HEPHL1: variants seen among roughly 807,000 people sequenced by gnomAD.
HEPHL1 encodes hephaestin like 1.
In HEPHL1, 123 loss-of-function variants were observed where a neutral mutation model predicts 122.0. The ratio of observed to expected loss-of-function variants is 1.01; its 90% confidence interval spans 0.87 to 1.17. HEPHL1 has a LOEUF of 1.17. Ranked by LOEUF, HEPHL1 falls within the 50% of genes most tolerant of loss-of-function variation. The pLI is 0.00. For missense variants in HEPHL1, 1,452 were observed against 1,430.5 expected (o/e 1.01, Z -0.24); for synonymous variants, 527 against 508.9 (o/e 1.04, Z -0.48).
chr11:94,050,692 C>A (rs1007940702), intron 2 of HEPHL1, among the ~76,000 whole-genome samples: 1 of 152,046 alleles, frequency 6.6e-6, no homozygotes, highest in Non-Finnish European at 1.5e-5. Context: ...TTTCGTTATT[C>A]TAAAATGCAC....
At chr11:94,036,786 C>T (rs1434947633) in intron 1 of HEPHL1, among the ~76,000 whole-genome samples, 1 of 149,468 alleles carries the variant, frequency 6.7e-6, no homozygotes, top group Non-Finnish European at 1.5e-5. Flanking sequence ...TTGCAGTGAG[C>T]CTAGATCGTG....
At chr11:94,106,878 C>A (rs1014172487) in intron 17 of HEPHL1, among the ~76,000 whole-genome samples, 1 of 152,194 alleles carries the variant, frequency 6.6e-6, no homozygotes, top group Non-Finnish European at 1.5e-5. Flanking sequence ...CTGGCCTAAG[C>A]CCTGAAACTT....
In HEPHL1 at chr11:94,111,922, G is replaced by C; in HGVS notation, c.*28G>C. On this transcript the variant is annotated 3_prime_UTR_variant, in exon 20 of 20. Transcript: ENST00000315765. ...CATCTGGTCTCCCTCAACAGGAAAG[G>C]GTGATGTCCCACAGCTGGCCAGATG... 1 of 1,471,802 alleles carries C rather than the reference G, an allele frequency of 6.8e-7. No homozygotes were observed. The allele number at this position is 1,471,802 out of a possible 1,614,324, so 91.2% of individuals were successfully genotyped here. A position where few individuals can be genotyped will look rare whatever the true frequency, so the allele number is the denominator to read the frequency against.
chr11:94,086,079 A>G lies in HEPHL1; in HGVS notation c.1970A>G (p.His657Arg). Residue 657 changes from histidine to arginine, a missense_variant, in exon 11 of 20, where the codon CAT becomes CGT. By Grantham distance (29) the His-to-Arg change is conservative. Transcript: ENST00000315765. ...LIGLGTDTDM[H>R]GIVFQGNTIH... ...GGATTGGGCACTGACACTGACATGC[A>G]TGGAATTGTTTTTCAAGGGAACACC... 1 of 1,613,756 alleles carries G rather than the reference A, an allele frequency of 6.2e-7. No individual in the cohort carries two copies. Among genetic ancestry groups the G allele is most frequent in the Non-Finnish European group, 8.5e-7 (1 of 1,179,802 alleles).
chr11:94,041,946 C>A (rs1262721175), intron 1 of HEPHL1, among the ~76,000 whole-genome samples: 1 of 83,610 alleles, frequency 1.2e-5, no homozygotes, highest in Non-Finnish European at 2.3e-5. Context: ...CAACCTACAA[C>A]ATGGGAGAAA....
At chr11:94,093,402 T>G in intron 12 of HEPHL1, 99 bp from the exon 13 acceptor site, 1 of 1,363,886 alleles carries the variant, frequency 7.3e-7, no homozygotes, top group Non-Finnish European at 1.0e-6. Context: ...ACAGCCAGGT[T>G]TGGGGAGCAC....
At chr11:94,085,862 C>T in intron 10 of HEPHL1, 115 bp from the exon 11 acceptor site, 1 of 726,748 alleles carries the variant, frequency 1.4e-6, no homozygotes, top group Non-Finnish European at 2.3e-6. Flanking sequence ...GTGGCTTTTC[C>T]CTGGTACTGT....
intron 2 of HEPHL1, chr11:94,056,034 G>A: frequency 1.8e-6 from 1 of 564,928 alleles, no homozygotes; most frequent in East Asian, 3.8e-5. Context: ...AATTAAGTCA[G>A]TTTTTCCTTC....
At chr11:94,073,211 AGCTGG>A in intron 7 of HEPHL1, 47 bp downstream of exon 7, 1 of 1,609,880 alleles carries the variant, frequency 6.2e-7, no homozygotes, top group South Asian at 1.1e-5. Context: ...GAGATGTTTT[AGCTGG>A]GCATGTACAT....
chr11:94,025,158 A>G (rs1945614478), intron 1 of HEPHL1, among the ~76,000 whole-genome samples: 1 of 152,206 alleles, frequency 6.6e-6, no homozygotes, highest in East Asian at 1.9e-4. Context: ...CTTGGTACCT[A>G]TGCTTGATTA....
intron 17 of HEPHL1, among the ~76,000 whole-genome samples, chr11:94,107,271 A>G (rs895930760): frequency 1.3e-5 from 2 of 152,230 alleles, no homozygotes; most frequent in African/African-American, 2.4e-5. Flanking sequence ...TTAGCCTGCT[A>G]TGATTAGAGT....
chr11:94,045,867 G>A lies in HEPHL1; in HGVS notation c.365G>A (p.Arg122Gln), dbSNP rs201442695. ...IVIHLKNFAS[R>Q]PYSLHPHGVF... ...ATTCATTTAAAGAACTTTGCTTCTC[G>A]ACCTTACTCTCTGCATCCACATGGC... Residue 122 changes from arginine to glutamine, a missense_variant, in exon 2 of 20, where the codon CGA (arginine) becomes CAA (glutamine). Arg to Gln is a conservative substitution (Grantham distance 43). Transcript: ENST00000315765. 12 of 1,613,640 alleles carry A rather than the reference G, an allele frequency of 7.4e-6. No individual in the cohort carries two copies. Among genetic ancestry groups the A allele is most frequent in the African/African-American group, 5.3e-5 (4 of 74,862 alleles).
At chr11:94,037,729 T>C (rs1053121912) in intron 1 of HEPHL1, among the ~76,000 whole-genome samples, 1 of 151,620 alleles carries the variant, frequency 6.6e-6, no homozygotes, top group African/African-American at 2.4e-5. Flanking sequence ...TACATCACCA[T>C]CATCAAAGAC....
At chr11:94,100,899 A>G (rs1024413006) in intron 13 of HEPHL1, among the ~76,000 whole-genome samples, 1 of 152,178 alleles carries the variant, frequency 6.6e-6, no homozygotes, top group Admixed American at 6.5e-5. Flanking sequence ...CCCACATAAA[A>G]GTTATTACTA....
intron 1 of HEPHL1, among the ~76,000 whole-genome samples, chr11:94,038,068 A>G (rs1386839407): frequency 6.7e-6 from 1 of 148,840 alleles, no homozygotes; most frequent in Non-Finnish European, 1.5e-5. Context: ...AACTATGTGA[A>G]GAATGCAGAA....
In HEPHL1 at chr11:94,067,746, A is replaced by T. The variant is rs1946046000; in HGVS notation, c.1059A>T (p.Leu353=). 6.2e-7 allele frequency: 1 copy of T among 1,613,360 alleles called. No homozygotes were observed. Among genetic ancestry groups the T allele is most frequent in the Non-Finnish European group, 8.5e-7 (1 of 1,179,630 alleles). The change falls in exon 5 of 20, where the codon CTA becomes CTT. Residue 353 remains leucine, a synonymous_variant. Coordinates refer to ENST00000315765, the MANE Select transcript of HEPHL1 (RefSeq NM_001098672.2). ...WMITCQVSDH[L]QAGMLGQYNV... is the part of the protein sequence containing the mutation. ...TAACCTGCCAGGTCAGCGACCACCT[A>T]CAAGGTAAAAAGGATAAAGACCAGA...
intron 9 of HEPHL1, among the ~76,000 whole-genome samples, chr11:94,077,047 C>T (rs1946131448): frequency 6.6e-6 from 1 of 152,170 alleles, no homozygotes; most frequent in Admixed American, 6.5e-5. Flanking sequence ...GATTCATCAA[C>T]ATTTGATCTC....
intron 9 of HEPHL1, among the ~76,000 whole-genome samples, chr11:94,077,481 G>A (rs1243107453): frequency 6.6e-6 from 1 of 152,130 alleles, no homozygotes; most frequent in Non-Finnish European, 1.5e-5. Flanking sequence ...ACCACATCAT[G>A]GAGAATGGGG....
chr11:94,078,617 G>A (rs1048037665), intron 9 of HEPHL1, among the ~76,000 whole-genome samples: 3 of 151,818 alleles, frequency 2.0e-5, no homozygotes, highest in Admixed American at 6.6e-5. Flanking sequence ...CAGTTAGAAA[G>A]CTGACAGGCT....
Sources: allele counts gnomAD v4.1 joint callset (sites outside exome capture counted in the v4.1 genomes callset), GRCh38; gene constraint gnomAD v4.1.1; transcripts MANE v1.5; gene names NCBI Gene and HGNC (gene_info 2026-07-23, HGNC 2026-07-21).